BBS9: variants seen among roughly 807,000 people sequenced by gnomAD.
BBS9 encodes protein PTHB1.
A neutral mutation model predicts 117.7 loss-of-function variants in BBS9; 89 were observed. That is an observed-to-expected ratio of 0.76 (90% CI 0.64 to 0.90). The LOEUF (loss-of-function observed/expected upper bound fraction) is 0.90, where lower values mean the gene tolerates loss of function less well. BBS9 is among the 40% of genes least tolerant of loss of function. The pLI, the probability that BBS9 is intolerant of heterozygous loss-of-function variation, is 0.00. For synonymous variants in BBS9, 379 were observed against 370.9 expected, an observed-to-expected ratio of 1.02 and a Z score of -0.25; for missense variants, 982 against 1,042.2, an observed-to-expected ratio of 0.94 and a Z score of 0.80.
intron 13 of BBS9, among the ~76,000 whole-genome samples, chr7:33,350,301 A>G (rs1274420636): frequency 1.3e-5 from 2 of 152,216 alleles, no homozygotes; most frequent in African/African-American, 2.4e-5. Flanking sequence ...AAATCTTTGC[A>G]GAATGAATGA....
At chr7:33,139,714 C>T (rs1051383182) in intron 1 of BBS9, among the ~76,000 whole-genome samples, 33 of 147,176 alleles carry the variant, frequency 2.2e-4, no homozygotes, top group African/African-American at 7.7e-4. Context: ...GGTAAGACCC[C>T]CTTTGAGTGT....
At chr7:33,598,136 C>T (rs1466086842) in intron 21 of BBS9, among the ~76,000 whole-genome samples, 1 of 151,756 alleles carries the variant, frequency 6.6e-6, no homozygotes, top group African/African-American at 2.4e-5. Context: ...TCAGGGGCCT[C>T]TCTGTTCACT....
In BBS9 at chr7:33,534,015, G is replaced by A; in HGVS notation, c.2360G>A (p.Ser787Asn). 5 of 1,614,238 alleles carry A rather than the reference G, an allele frequency of 3.1e-6. No homozygotes were observed. Among genetic ancestry groups the A allele is most frequent in the South Asian group, 1.1e-5 (1 of 91,082 alleles). ...CTGTTGAAGACTTGCCTGTCGAAGA[G>A]TTCTAAGGAGCAGGCTTTGAACCTC... is the stretch of plus-strand genomic sequence containing the variant. ...SHLLKTCLSK[S>N]SKEQALNLNS... The change falls in exon 21 of 23, where the codon AGT (serine) becomes AAT (asparagine). Residue 787 changes from serine to asparagine, a missense_variant. Physicochemically the swap from Ser to Asn is conservative, Grantham distance 46 (BLOSUM62 1). Transcript: ENST00000242067.
chr7:33,167,829 A>T (rs1302816358), intron 4 of BBS9, among the ~76,000 whole-genome samples: 1 of 152,100 alleles, frequency 6.6e-6, no homozygotes, highest in Non-Finnish European at 1.5e-5. Context: ...ATACTCTAGG[A>T]TTTTGGATGC....
At chr7:33,386,784 G>A (rs1471491354) in intron 18 of BBS9, among the ~76,000 whole-genome samples, 2 of 152,058 alleles carry the variant, frequency 1.3e-5, no homozygotes, top group Admixed American at 6.5e-5. Flanking sequence ...GTGAGCCACC[G>A]TGCCCGGCCG....
At chr7:33,420,350 G>T (rs536941429) in intron 19 of BBS9, among the ~76,000 whole-genome samples, 13 of 152,268 alleles carry the variant, frequency 8.5e-5, no homozygotes, top group Non-Finnish European at 1.5e-4. Flanking sequence ...CCCTTTGCTA[G>T]GTCAGTGTCT....
intron 19 of BBS9, among the ~76,000 whole-genome samples, chr7:33,422,488 A>C (rs572982070): frequency 1.1e-4 from 16 of 152,302 alleles, no homozygotes; most frequent in African/African-American, 3.9e-4. Flanking sequence ...ATGATACTTT[A>C]ATTGTGTTGG....
Position 33,300,543 on chromosome 7 carries a change from T to A in BBS9, c.1016+26587T>A, listed in dbSNP as rs143607061. On this transcript the variant is annotated intron_variant, in intron 9 of 22. Coordinates refer to ENST00000242067, the MANE Select transcript of BBS9 (RefSeq NM_198428.3). ...TGGTAGGGGAAATGTAGACCAAGGC[T>A]CTTTCCTTGCAGTTGCCAGGGTTAT... is the stretch of plus-strand genomic sequence containing the variant. 1.8e-3 allele frequency among the ~76,000 whole-genome samples: 280 copies of A among 152,250 alleles called. 2 individuals are homozygous for A. Among genetic ancestry groups the A allele is most frequent in the African/African-American group, 6.6e-3 (274 of 41,540 alleles).
chr7:33,370,005 A>G (rs1822548392), intron 17 of BBS9, among the ~76,000 whole-genome samples: 1 of 152,160 alleles, frequency 6.6e-6, no homozygotes, highest in Non-Finnish European at 1.5e-5. Context: ...CTGCTTGGTA[A>G]TCAACCAAGC....
rs369680199 is a variant in BBS9, at chr7:33,165,657, C to T, written c.328+9955C>T. 9.4e-4 allele frequency among the ~76,000 whole-genome samples: 143 copies of T among 152,092 alleles called. 3 individuals are homozygous for T. In the Middle Eastern group the frequency reaches 0.01, roughly 11 times the overall value. On this transcript the variant is annotated intron_variant, in intron 4 of 22. Transcript: ENST00000242067. ...AAGCTTGTGCATGTGTCTTGTAGTTCTTGTGCCATGGTTTCAGCTCCATCA... is the reference window on the plus strand; with the variant it reads ...AAGCTTGTGCATGTGTCTTGTAGTTTTTGTGCCATGGTTTCAGCTCCATCA...
At chr7:33,623,110 AT>A (rs1212266521) in intron 21 of BBS9, among the ~76,000 whole-genome samples, 1 of 152,158 alleles carries the variant, frequency 6.6e-6, no homozygotes, top group Non-Finnish European at 1.5e-5. Context: ...AAAGATAAAA[AT>A]CATGTCATAA....
intron 21 of BBS9, among the ~76,000 whole-genome samples, chr7:33,550,515 A>G (rs1376371005): frequency 6.6e-6 from 1 of 152,202 alleles, no homozygotes; most frequent in Middle Eastern, 3.2e-3. Flanking sequence ...TCTGGCCAAT[A>G]TAACTGGCCT....
At chr7:33,285,312 T>C (rs1238431554) in intron 9 of BBS9, among the ~76,000 whole-genome samples, 1 of 152,142 alleles carries the variant, frequency 6.6e-6, no homozygotes, top group Non-Finnish European at 1.5e-5. Context: ...CATGGGTTCC[T>C]ATCAAAAGAG....
At chr7:33,328,092 G>C (rs1054270853) in intron 9 of BBS9, among the ~76,000 whole-genome samples, 1 of 152,118 alleles carries the variant, frequency 6.6e-6, no homozygotes, top group Non-Finnish European at 1.5e-5. Flanking sequence ...CGTGAAGAAA[G>C]TATTTAAAGT....
intron 19 of BBS9, among the ~76,000 whole-genome samples, chr7:33,414,572 A>C (rs544770911): frequency 6.6e-6 from 1 of 152,292 alleles, no homozygotes; most frequent in South Asian, 2.1e-4. Flanking sequence ...ATCTGTTGGA[A>C]TCCTATTTAT....
At chr7:33,500,970 A>G (rs1178367765) in intron 19 of BBS9, among the ~76,000 whole-genome samples, 1 of 152,202 alleles carries the variant, frequency 6.6e-6, no homozygotes, top group Non-Finnish European at 1.5e-5. Context: ...TTCAATTTGA[A>G]AAAACAAAAC....
intron 5 of BBS9, among the ~76,000 whole-genome samples, chr7:33,213,781 G>T (rs1281961334): frequency 6.6e-6 from 1 of 152,144 alleles, no homozygotes; most frequent in Non-Finnish European, 1.5e-5. Flanking sequence ...TCATTTGGGA[G>T]CTAGGTCCTG....
intron 5 of BBS9, among the ~76,000 whole-genome samples, chr7:33,245,770 TAA>T (rs1795241614): frequency 6.6e-6 from 1 of 152,148 alleles, no homozygotes; most frequent in Non-Finnish European, 1.5e-5. Flanking sequence ...CACTAACATA[TAA>T]GAGACTGTGC....
chr7:33,281,751 A>G (rs1260252389), intron 9 of BBS9, among the ~76,000 whole-genome samples: 4 of 151,998 alleles, frequency 2.6e-5, no homozygotes, highest in Non-Finnish European at 5.9e-5. Flanking sequence ...CATGGTAAAA[A>G]TGTATTGTTA....
Sources: allele counts gnomAD v4.1 joint callset (sites outside exome capture counted in the v4.1 genomes callset), GRCh38; gene constraint gnomAD v4.1.1; transcripts MANE v1.5; gene names NCBI Gene and HGNC (gene_info 2026-07-23, HGNC 2026-07-21).